Variants in ADAMTS20 observed in about 807,000 individuals in gnomAD.
The protein encoded by ADAMTS20 is ADAM metallopeptidase with thrombospondin type 1 motif 20.
A neutral mutation model predicts 260.1 loss-of-function variants in ADAMTS20; 225 were observed. That is an observed-to-expected ratio of 0.87 (90% CI 0.78 to 0.97). The LOEUF (loss-of-function observed/expected upper bound fraction) is 0.97, where lower values mean the gene tolerates loss of function less well. ADAMTS20 is among the 50% of genes least tolerant of loss of function. The pLI is 0.00. For missense variants in ADAMTS20, 2,400 were observed against 2,337.7 expected, an observed-to-expected ratio of 1.03 and a Z score of -0.55; for synonymous variants, 802 against 769.5, an observed-to-expected ratio of 1.04 and a Z score of -0.70.
chr12:43,496,800 A>G (rs1172546278), intron 4 of ADAMTS20, among the ~76,000 whole-genome samples: 1 of 152,180 alleles, frequency 6.6e-6, no homozygotes, highest in Non-Finnish European at 1.5e-5. Flanking sequence ...AGCTAAAATA[A>G]TTAGATATCT....
intron 37 of ADAMTS20, among the ~76,000 whole-genome samples, chr12:43,368,093 T>A (rs775705754): frequency 6.6e-6 from 1 of 152,084 alleles, no homozygotes; most frequent in African/African-American, 2.4e-5. Flanking sequence ...TTAGTTGACA[T>A]GATTCAAACC....
At chr12:43,422,780 G>A (rs1941260203) in intron 28 of ADAMTS20, 1 of 151,898 alleles carries the variant, frequency 6.6e-6, no homozygotes, top group African/African-American at 2.4e-5. Flanking sequence ...CTTACTATTT[G>A]GCAATCTGTG....
intron 29 of ADAMTS20, among the ~76,000 whole-genome samples, chr12:43,386,552 T>G (rs571591792): frequency 6.6e-6 from 1 of 152,332 alleles, no homozygotes; most frequent in East Asian, 1.9e-4. Context: ...GTTGGGGACG[T>G]TCTCCTGAAT....
chr12:43,476,789 GA>G (rs1316830709), intron 7 of ADAMTS20, among the ~76,000 whole-genome samples: 2 of 145,776 alleles, frequency 1.4e-5, no homozygotes, highest in African/African-American at 5.1e-5. Context: ...GGTGGGAATT[GA>G]ACAATGAGAT....
At position 43,376,118 on chromosome 12, in the gene ADAMTS20, G is replaced by T. The variant is rs199801998; in HGVS notation, c.5251C>A (p.Pro1751Thr). The change falls in exon 35 of 39, where the codon CCT becomes ACT. Residue 1751 changes from proline to threonine, a missense_variant. By Grantham distance (38) the Pro-to-Thr change is conservative. Coordinates refer to ENST00000389420, the MANE Select transcript of ADAMTS20 (RefSeq NM_025003.5). ...IYCADMYLEN[P>T]KEYLTLVQGE... ...TGGACCAGTGTTAAATATTCCTTAG[G>T]GTTCTCCAAGTACATGTCTGCACAA... The T allele has an allele frequency of 2.4e-5, 38 of 1,609,632 alleles. No homozygotes were observed. Among genetic ancestry groups the T allele is most frequent in the Middle Eastern group, 3.3e-4 (2 of 6,052 alleles).
rs1942657704 is a variant in ADAMTS20, at chr12:43,495,018, C to T, written c.868-1765G>A. Among the ~76,000 whole-genome samples, 3 of 152,176 alleles carry T rather than the reference C, an allele frequency of 2.0e-5. No homozygotes were observed. The South Asian group carries it at 6.2e-4, about 31-fold the overall frequency. ...AAAGAGCATATGCACTATGAGGTGT[C>T]TACATGGCTAACTACTATATCCATT... On this transcript the variant is annotated intron_variant, in intron 4 of 38. Transcript: ENST00000389420.
At chr12:43,381,380 T>C (rs1484578962) in intron 31 of ADAMTS20, among the ~76,000 whole-genome samples, 1 of 152,082 alleles carries the variant, frequency 6.6e-6, no homozygotes, top group Non-Finnish European at 1.5e-5. Context: ...CATCAAAGCA[T>C]ACTATTAAGA....
At chr12:43,435,402 A>C (rs1165749382) in intron 18 of ADAMTS20, among the ~76,000 whole-genome samples, 1 of 152,090 alleles carries the variant, frequency 6.6e-6, no homozygotes, top group African/African-American at 2.4e-5. Context: ...GCACTTTGGG[A>C]AGCTGAGGCG....
At position 43,452,289 on chromosome 12, in the gene ADAMTS20, A is replaced by G; in HGVS notation, c.2064T>C (p.Val688=). The G allele has an allele frequency of 6.2e-7, 1 of 1,611,092 alleles. No individual in the cohort carries two copies. The highest frequency in any genetic ancestry group is 8.5e-7 in the Non-Finnish European group (1 of 1,178,892). The change falls in exon 14 of 39, where the codon GTT becomes GTC. Residue 688 remains valine (V), a synonymous_variant. Transcript: ENST00000389420. ...PCGTETHDIC[V]QGQCMAAGCD... ...GTTTACTTACCATACACTGGCCTTG[A>G]ACACAGATGTCATGAGTTTCAGTTC...
chr12:43,526,228 G>T (rs1943140423), intron 3 of ADAMTS20, among the ~76,000 whole-genome samples: 1 of 152,134 alleles, frequency 6.6e-6, no homozygotes, highest in African/African-American at 2.4e-5. Flanking sequence ...GGCCGAGGTG[G>T]GTGGATCACG....
At chr12:43,424,071 G>A (rs1004380850) in intron 28 of ADAMTS20, 9 of 587,662 alleles carry the variant, frequency 1.5e-5, no homozygotes, top group Admixed American at 9.1e-5. Flanking sequence ...AGATGTTTGG[G>A]TAGGGCAAAA....
rs781445807 is a variant in ADAMTS20, at chr12:43,452,621, T to G, written c.1835A>C (p.Lys612Thr). 6.2e-7 allele frequency: 1 copy of G among 1,613,402 alleles called. No individual in the cohort carries two copies. Among genetic ancestry groups the G allele is most frequent in the East Asian group, 2.2e-5 (1 of 44,862 alleles). The change falls in exon 13 of 39, where the codon AAA becomes ACA. Residue 612 changes from lysine (K) to threonine (T), a missense_variant. Transcript: ENST00000389420. ...FRSCNTDSCP[K>T]GTQDFREKQC... Reference sequence around the variant, plus strand: ...CTTCTCTCGAAAGTCTTGTGTGCCTTTTGGACATGAATCAGTATTACATGA... The same window carrying G: ...CTTCTCTCGAAAGTCTTGTGTGCCTGTTGGACATGAATCAGTATTACATGA...
chr12:43,447,754 C>T (rs903938533), intron 14 of ADAMTS20, among the ~76,000 whole-genome samples: 1 of 152,108 alleles, frequency 6.6e-6, no homozygotes, highest in Non-Finnish European at 1.5e-5. Flanking sequence ...ATAGTCTCGG[C>T]CCAAAAGCTC....
intron 29 of ADAMTS20, among the ~76,000 whole-genome samples, chr12:43,395,677 C>CTTTTTTTTTT (rs5797860): frequency 3.3e-5 from 3 of 90,822 alleles, no homozygotes; most frequent in East Asian, 4.1e-4. Flanking sequence ...GTGTGAGATT[C>CTTTTTTTTTT]TTTTTTTTTT....
intron 3 of ADAMTS20, among the ~76,000 whole-genome samples, chr12:43,512,132 A>G (rs1185731125): frequency 6.6e-6 from 1 of 151,540 alleles, no homozygotes; most frequent in Non-Finnish European, 1.5e-5. Flanking sequence ...TAGCATTAAC[A>G]AAAACCCTAT....
chr12:43,494,447 G>A (rs1942648609), intron 4 of ADAMTS20, among the ~76,000 whole-genome samples: 2 of 152,298 alleles, frequency 1.3e-5, no homozygotes, highest in East Asian at 1.9e-4. Flanking sequence ...AGAGCCAAAA[G>A]CATCTTTAGA....
chr12:43,431,813 G>T (rs1941449308), intron 21 of ADAMTS20, among the ~76,000 whole-genome samples: 1 of 151,712 alleles, frequency 6.6e-6, no homozygotes, highest in Non-Finnish European at 1.5e-5. Context: ...ATCAGTTAGT[G>T]TTATTACTAG....
At chr12:43,395,050 C>T (rs149982678) in intron 29 of ADAMTS20, among the ~76,000 whole-genome samples, 24 of 152,234 alleles carry the variant, frequency 1.6e-4, no homozygotes, top group African/African-American at 5.5e-4. Context: ...CTAGTCACCT[C>T]AGCCTACCCC....
At chr12:43,402,304 T>A (rs554591167) in intron 28 of ADAMTS20, among the ~76,000 whole-genome samples, 32 of 152,014 alleles carry the variant, frequency 2.1e-4, no homozygotes, top group African/African-American at 7.7e-4. Flanking sequence ...TTCCATGAAA[T>A]ATATTTATTG....
Sources: gnomAD v4.1 joint callset for allele counts (sites outside exome capture counted in the v4.1 genomes callset) on GRCh38, gnomAD v4.1.1 for gene constraint, MANE v1.5 for transcripts, NCBI Gene and HGNC (gene_info 2026-07-23, HGNC 2026-07-21) for gene names.